The following UBAP2 variants were observed in gnomAD, a reference collection of about 807,000 sequenced individuals.
UBAP2 encodes the protein ubiquitin-associated protein 2.
A neutral mutation model predicts 139.6 loss-of-function variants in UBAP2; 75 were observed. The ratio of observed to expected loss-of-function variants is 0.54; its 90% confidence interval spans 0.45 to 0.65. The LOEUF (loss-of-function observed/expected upper bound fraction) is 0.65. UBAP2 is among the 30% of genes least tolerant of loss of function. UBAP2 has a pLI of 0.00. For missense variants in UBAP2, 1,368 were observed against 1,369.6 expected, an observed-to-expected ratio of 1.00 and a Z score of 0.02; for synonymous variants, 526 against 526.2, an observed-to-expected ratio of 1.00 and a Z score of 0.01.
intron 2 of UBAP2, 86 bp from the exon 3 acceptor site, chr9:33,998,950 C>A: frequency 9.5e-7 from 1 of 1,055,468 alleles, no homozygotes; most frequent in South Asian, 1.4e-5. Flanking sequence ...ATAAGGCTCT[C>A]AAGCACTAGA....
intron 1 of UBAP2, among the ~76,000 whole-genome samples, chr9:34,041,058 A>C (rs188205572): frequency 4.1e-4 from 63 of 152,324 alleles, no homozygotes; most frequent in African/African-American, 1.5e-3. Context: ...GAGGACAAGT[A>C]AAATTGGTAA....
intron 1 of UBAP2, among the ~76,000 whole-genome samples, chr9:34,039,083 G>A (rs1361880952): frequency 6.7e-6 from 1 of 150,052 alleles, no homozygotes; most frequent in Non-Finnish European, 1.5e-5. Context: ...CCTCCGCCCG[G>A]CAGCCACCCC....
At chr9:34,006,687 A>AG (rs1334707005) in intron 2 of UBAP2, among the ~76,000 whole-genome samples, 1 of 152,132 alleles carries the variant, frequency 6.6e-6, no homozygotes, top group African/African-American at 2.4e-5. Flanking sequence ...GTCTCAAAAA[A>AG]AAAAAGATAA....
At chr9:34,006,574 G>A (rs1823237553) in intron 2 of UBAP2, among the ~76,000 whole-genome samples, 1 of 152,072 alleles carries the variant, frequency 6.6e-6, no homozygotes, top group Admixed American at 6.6e-5. Context: ...TACTCAAGAG[G>A]CTGAGGTAGG....
At chr9:34,029,132 A>G (rs903265626) in intron 1 of UBAP2, among the ~76,000 whole-genome samples, 1 of 151,916 alleles carries the variant, frequency 6.6e-6, no homozygotes, top group Non-Finnish European at 1.5e-5. Context: ...AATAAAAAAA[A>G]CTCTTAACAG....
At chr9:34,039,009 G>C (rs187837703) in intron 1 of UBAP2, among the ~76,000 whole-genome samples, 1 of 145,870 alleles carries the variant, frequency 6.9e-6, no homozygotes, top group South Asian at 2.2e-4. Context: ...CTGCCCGGCC[G>C]ACCCGTCTGA....
chr9:34,046,683 C>T (rs1827629361), intron 1 of UBAP2, among the ~76,000 whole-genome samples: 1 of 147,474 alleles, frequency 6.8e-6, no homozygotes, highest in Admixed American at 6.8e-5. Flanking sequence ...GAAGGCTTCA[C>T]TTCAGACCAC....
intron 1 of UBAP2, among the ~76,000 whole-genome samples, chr9:34,047,525 C>A (rs72729361): frequency 0.079 from 11,990 of 152,220 alleles, 682 homozygotes; most frequent in Non-Finnish European, 0.12. Flanking sequence ...AACGGATACA[C>A]AATTCACAGT....
intron 6 of UBAP2, among the ~76,000 whole-genome samples, chr9:33,979,646 G>A (rs1462032960): frequency 6.6e-6 from 1 of 152,146 alleles, no homozygotes; most frequent in Non-Finnish European, 1.5e-5. Flanking sequence ...ACTTTGGGAG[G>A]CCGAGGCGGG....
At chr9:33,971,232 G>C (rs912748413) in intron 8 of UBAP2, among the ~76,000 whole-genome samples, 2 of 152,170 alleles carry the variant, frequency 1.3e-5, no homozygotes, top group African/African-American at 4.8e-5. Flanking sequence ...AAAACCTGCA[G>C]AGGCAACGTT....
At chr9:33,975,169 C>A (rs1229445848) in intron 6 of UBAP2, among the ~76,000 whole-genome samples, 2 of 151,716 alleles carry the variant, frequency 1.3e-5, no homozygotes, top group Non-Finnish European at 2.9e-5. Flanking sequence ...TGGTGGCTCA[C>A]GCCTGTAATC....
chr9:34,010,351 G>C (rs1209745916), intron 2 of UBAP2, among the ~76,000 whole-genome samples: 1 of 148,610 alleles, frequency 6.7e-6, no homozygotes, highest in African/African-American at 2.5e-5. Context: ...TTGAACCTGG[G>C]AGATGGAGGT....
At chr9:33,928,054 G>C in intron 19 of UBAP2, 62 bp from the exon 20 acceptor site, 1 of 1,512,910 alleles carries the variant, frequency 6.6e-7, no homozygotes, top group Non-Finnish European at 8.9e-7. Flanking sequence ...GCTGGGGAGA[G>C]CCTGGCCTGG....
chr9:33,988,871 G>A lies in UBAP2; in HGVS notation c.442+102C>T, dbSNP rs75648692. 2.0e-4 allele frequency: 257 copies of A among 1,259,750 alleles called. No homozygotes were observed. In the East Asian group the frequency reaches 5.2e-3, roughly 25 times the overall value. The allele number at this position is 1,259,750 out of a possible 1,614,324, so 78.0% of individuals were successfully genotyped here. On this transcript the variant is annotated intron_variant, in intron 5 of 28. Transcript: ENST00000379238. ...AAGAAAAAATTTGAGAAAGCTGAGCGCAGTGACTCATGCCTGTAATCCCAA... is the reference window on the plus strand; with the variant it reads ...AAGAAAAAATTTGAGAAAGCTGAGCACAGTGACTCATGCCTGTAATCCCAA...
intron 10 of UBAP2, among the ~76,000 whole-genome samples, chr9:33,960,256 G>GT (rs1564031488): frequency 6.6e-6 from 1 of 151,852 alleles, no homozygotes; most frequent in Non-Finnish European, 1.5e-5. Flanking sequence ...TTTCTTGTTT[G>GT]TTTTTTTCCA....
chr9:33,927,724 G>A, intron 20 of UBAP2, 73 bp downstream of exon 20: 2 of 1,495,326 alleles, frequency 1.3e-6, no homozygotes, highest in Non-Finnish European at 1.8e-6. Context: ...CACCTGCACT[G>A]CCTTCCTGGG....
chr9:34,018,429 CA>C (rs1453238293), intron 1 of UBAP2, among the ~76,000 whole-genome samples: 4 of 151,302 alleles, frequency 2.6e-5, no homozygotes, highest in African/African-American at 9.7e-5. Context: ...GTACAACCAT[CA>C]TTAAAAGAAT....
At chr9:34,030,029 G>A (rs888894480) in intron 1 of UBAP2, among the ~76,000 whole-genome samples, 4 of 151,302 alleles carry the variant, frequency 2.6e-5, no homozygotes, top group Admixed American at 6.6e-5. Flanking sequence ...GGCCAGGCAC[G>A]GTGGCTCACG....
chr9:33,947,110 A>G (rs943632040), intron 13 of UBAP2, among the ~76,000 whole-genome samples: 3 of 152,196 alleles, frequency 2.0e-5, no homozygotes, highest in African/African-American at 7.2e-5. Flanking sequence ...ATGTAGGCAC[A>G]GGGTACCTAC....
Sources: gnomAD v4.1 joint callset for allele counts (sites outside exome capture counted in the v4.1 genomes callset) on GRCh38, gnomAD v4.1.1 for gene constraint, MANE v1.5 for transcripts, NCBI Gene and HGNC (gene_info 2026-07-23, HGNC 2026-07-21) for gene names.